Variants in RAI14 observed in about 807,000 individuals in gnomAD.
RAI14 encodes the protein retinoic acid induced 14, also known as ankycorbin.
In RAI14, 45 loss-of-function variants were observed where a neutral mutation model predicts 115.4. The ratio of observed to expected loss-of-function variants is 0.39; its 90% confidence interval spans 0.31 to 0.50. The LOEUF (loss-of-function observed/expected upper bound fraction) is 0.50. Among genes scored for constraint, RAI14 ranks in the 20% least tolerant of loss-of-function variants. RAI14 has a pLI of 0.85. For missense variants in RAI14, 939 were observed against 1,131.2 expected, an observed-to-expected ratio of 0.83 and a Z score of 2.44; for synonymous variants, 371 against 415.4, an observed-to-expected ratio of 0.89 and a Z score of 1.30.
intron 1 of RAI14, among the ~76,000 whole-genome samples, chr5:34,669,758 G>A (rs1436566027): frequency 1.3e-5 from 2 of 152,142 alleles, no homozygotes; most frequent in Non-Finnish European, 2.9e-5. Flanking sequence ...AATTTCTTAA[G>A]GAACAGAAAT....
intron 3 of RAI14, among the ~76,000 whole-genome samples, chr5:34,767,591 G>GCCCCCCCCC (rs1561334151): frequency 6.9e-5 from 8 of 116,748 alleles, no homozygotes; most frequent in African/African-American, 1.0e-4. Context: ...CACCGCCACC[G>GCCCCCCCCC]CCCCCACCAC....
At chr5:34,730,531 C>T (rs1744044267) in intron 2 of RAI14, among the ~76,000 whole-genome samples, 1 of 151,966 alleles carries the variant, frequency 6.6e-6, no homozygotes, top group Admixed American at 6.6e-5. Context: ...CAACAATTAG[C>T]CAGGCTTAGT....
intron 10 of RAI14, among the ~76,000 whole-genome samples, chr5:34,812,817 T>A (rs1452415762): frequency 1.3e-5 from 2 of 152,270 alleles, no homozygotes; most frequent in African/African-American, 4.8e-5. Flanking sequence ...GCTTAAACTC[T>A]GTGACTGAAT....
intron 2 of RAI14, chr5:34,687,985 G>C: frequency 8.5e-7 from 1 of 1,182,124 alleles, no homozygotes; most frequent in Non-Finnish European, 1.2e-6. Context: ...ATGCTTATGG[G>C]ATGATGGTAA....
chr5:34,683,450 A>G (rs1744536445), intron 1 of RAI14, among the ~76,000 whole-genome samples: 1 of 151,986 alleles, frequency 6.6e-6, no homozygotes, highest in African/African-American at 2.4e-5. Context: ...AAAAAAGAAA[A>G]GCCAAAGACA....
Position 34,757,597 on chromosome 5 carries a change from G to A in RAI14, c.166G>A (p.Ala56Thr), listed in dbSNP as rs749126528. 30 of 1,606,332 alleles carry A rather than the reference G, an allele frequency of 1.9e-5. No homozygotes were observed. Among genetic ancestry groups the A allele is most frequent in the African/African-American group, 6.7e-5 (5 of 74,712 alleles). The change falls in exon 3 of 18, where the codon GCT becomes ACT. Residue 56 changes from alanine (A) to threonine (T), a missense_variant and splice_region_variant. By Grantham distance (58) the Ala-to-Thr change is moderately conservative. Transcript: ENST00000265109. ...CAAACACGACAGTGAGGGCAAGACC[G>A]CGTAAGCTGAAACACTGGTTTGCAG... Reference protein sequence around the residue: ...ATKHDSEGKTAFHLAAAKGHV... With the variant: ...ATKHDSEGKTTFHLAAAKGHV...
intron 5 of RAI14, among the ~76,000 whole-genome samples, chr5:34,807,465 G>A (rs918840948): frequency 6.6e-5 from 10 of 152,086 alleles, no homozygotes; most frequent in South Asian, 4.1e-4. Context: ...AGCTGGTTTC[G>A]TGAAGGGGGA....
intron 2 of RAI14, among the ~76,000 whole-genome samples, chr5:34,750,869 T>TTTTTGG (rs1746906098): frequency 6.8e-6 from 1 of 147,840 alleles, no homozygotes; most frequent in South Asian, 2.2e-4. Context: ...TTTTTTTTTT[T>TTTTTGG]GAGGTGGAGT....
At chr5:34,788,741 G>A (rs1024219759) in intron 3 of RAI14, among the ~76,000 whole-genome samples, 3 of 152,082 alleles carry the variant, frequency 2.0e-5, no homozygotes, top group Non-Finnish European at 2.9e-5. Flanking sequence ...AGGCTGAGAC[G>A]GGTGGATCAC....
chr5:34,822,757 C>G (rs1757017933), intron 14 of RAI14, among the ~76,000 whole-genome samples, 199 bp from the exon 15 acceptor site: 1 of 135,514 alleles, frequency 7.4e-6, no homozygotes, highest in Non-Finnish European at 1.5e-5. Flanking sequence ...GATCTCGGCT[C>G]ACTGCAAGCT....
intron 3 of RAI14, among the ~76,000 whole-genome samples, chr5:34,780,433 G>A (rs190727863): frequency 6.2e-4 from 94 of 152,222 alleles, no homozygotes; most frequent in Non-Finnish European, 1.1e-3. Context: ...GAGTGAACAG[G>A]TAACCTACAG....
chr5:34,780,038 G>T (rs909757897), intron 3 of RAI14, among the ~76,000 whole-genome samples: 17 of 152,066 alleles, frequency 1.1e-4, no homozygotes, highest in Non-Finnish European at 1.9e-4. Flanking sequence ...AATACCAATG[G>T]AACAGAACAG....
intron 2 of RAI14, among the ~76,000 whole-genome samples, chr5:34,698,676 T>C (rs528081837): frequency 2.4e-4 from 37 of 152,080 alleles, no homozygotes; most frequent in African/African-American, 8.0e-4. Context: ...GATATATACA[T>C]GGGCAAATAA....
At chr5:34,828,406 A>C (rs1040085711) in intron 16 of RAI14, among the ~76,000 whole-genome samples, 6 of 152,192 alleles carry the variant, frequency 3.9e-5, no homozygotes, top group Non-Finnish European at 8.8e-5. Flanking sequence ...TGACAGAGGC[A>C]GTGATAGAAA....
At chr5:34,813,410 A>C (rs1458765541) in intron 10 of RAI14, among the ~76,000 whole-genome samples, 164 bp from the exon 11 acceptor site, 1 of 152,198 alleles carries the variant, frequency 6.6e-6, no homozygotes, top group Non-Finnish European at 1.5e-5. Context: ...ATACTTGTGC[A>C]TGCATATTAT....
intron 2 of RAI14, among the ~76,000 whole-genome samples, chr5:34,701,810 C>T (rs1436702028): frequency 1.3e-5 from 2 of 151,734 alleles, no homozygotes; most frequent in Non-Finnish European, 2.9e-5. Flanking sequence ...GAATTTGACT[C>T]TCCCTTTTTT....
rs1056279316 is a variant in RAI14, at chr5:34,752,403, A to G, written c.37-5065A>G. On this transcript the variant is annotated intron_variant, in intron 2 of 17. Transcript: ENST00000265109. ...AAGACTGTTCTCAGGGCCTTCAGGG[A>G]GCTAAACACAGGAGAAAAACCGTAA... Among the ~76,000 whole-genome samples the G allele has an allele frequency of 2.6e-5, 4 of 152,218 alleles. No homozygotes were observed. The South Asian group carries it at 8.3e-4, about 32-fold the overall frequency.
At chr5:34,807,070 ATTG>A (rs1754991558) in intron 5 of RAI14, among the ~76,000 whole-genome samples, 1 of 152,154 alleles carries the variant, frequency 6.6e-6, no homozygotes, top group Admixed American at 6.5e-5. Flanking sequence ...CATAGCACTT[ATTG>A]TTGTCACTGT....
At chr5:34,782,158 C>T (rs909431688) in intron 3 of RAI14, among the ~76,000 whole-genome samples, 1 of 152,206 alleles carries the variant, frequency 6.6e-6, no homozygotes, top group African/African-American at 2.4e-5. Context: ...CAACCTTCAG[C>T]GTGGGTGTCA....
Sources: allele counts gnomAD v4.1 joint callset (sites outside exome capture counted in the v4.1 genomes callset), GRCh38; gene constraint gnomAD v4.1.1; transcripts MANE v1.5; gene names NCBI Gene and HGNC (gene_info 2026-07-23, HGNC 2026-07-21).